VWDE: variants seen among roughly 807,000 people sequenced by gnomAD.
The protein encoded by VWDE is von Willebrand factor D and EGF domains.
In VWDE, 207 loss-of-function variants were observed where a neutral mutation model predicts 178.4. That is an observed-to-expected ratio of 1.16 (90% CI 1.04 to 1.30). VWDE has a LOEUF of 1.30. Ranked by LOEUF, VWDE falls within the 50% of genes most tolerant of loss-of-function variation. The pLI is 0.00. For missense variants in VWDE, 2,287 were observed against 1,901.3 expected, an observed-to-expected ratio of 1.20 and a Z score of -3.77; for synonymous variants, 738 against 651.4, an observed-to-expected ratio of 1.13 and a Z score of -2.02.
At chr7:12,374,938 T>A (rs1053549336) in intron 8 of VWDE, 72 bp downstream of exon 8, 1 of 1,418,264 alleles carries the variant, frequency 7.1e-7, no homozygotes, top group Non-Finnish European at 9.5e-7. Context: ...AAAAAGTTTA[T>A]AAGACATAAT....
At chr7:12,393,295 G>A (rs1421862341) in intron 2 of VWDE, among the ~76,000 whole-genome samples, 1 of 152,100 alleles carries the variant, frequency 6.6e-6, no homozygotes, top group Non-Finnish European at 1.5e-5. Context: ...AGAGCACTAT[G>A]CCTAAGAATA....
At chr7:12,355,268 T>C (rs572786508) in intron 18 of VWDE, among the ~76,000 whole-genome samples, 1 of 152,066 alleles carries the variant, frequency 6.6e-6, no homozygotes, top group South Asian at 2.1e-4. Context: ...TACAAAAAAA[T>C]TAGCCGGGCT....
intron 24 of VWDE, among the ~76,000 whole-genome samples, chr7:12,339,657 T>C (rs1175147336): frequency 6.6e-6 from 1 of 152,114 alleles, no homozygotes; most frequent in East Asian, 1.9e-4. Context: ...ATGGAAATAC[T>C]CTGACATGTT....
chr7:12,342,470 T>C (rs1284176657), intron 22 of VWDE, among the ~76,000 whole-genome samples: 1 of 152,066 alleles, frequency 6.6e-6, no homozygotes, highest in Non-Finnish European at 1.5e-5. Flanking sequence ...AAGAAATTTA[T>C]ATGCAATTTA....
intron 2 of VWDE, among the ~76,000 whole-genome samples, chr7:12,390,304 C>A (rs1324284909): frequency 1.3e-5 from 2 of 151,866 alleles, no homozygotes; most frequent in Non-Finnish European, 2.9e-5. Flanking sequence ...TTGGGAAGAA[C>A]CAGGGCCCTT....
chr7:12,348,410 T>G (rs10441011), intron 19 of VWDE, among the ~76,000 whole-genome samples: 83,000 of 131,000 alleles, frequency 0.63, 28,055 homozygotes, highest in African/African-American at 0.88. Context: ...CAAAAAGTGG[T>G]TGAAGGACAT....
intron 27 of VWDE, among the ~76,000 whole-genome samples, chr7:12,335,348 C>T (rs1221932127): frequency 6.6e-6 from 1 of 152,000 alleles, no homozygotes; most frequent in African/African-American, 2.4e-5. Flanking sequence ...AAGATTTCAT[C>T]TATGTAGAAA....
chr7:12,362,706 G>A (rs1429934114), intron 13 of VWDE, among the ~76,000 whole-genome samples: 1 of 152,090 alleles, frequency 6.6e-6, no homozygotes, highest in Non-Finnish European at 1.5e-5. Context: ...AGGAAAACAT[G>A]ATCACCCTAA....
In VWDE at chr7:12,357,388, A is replaced by C. The variant is rs1231815855; in HGVS notation, c.3402T>G (p.Gly1134=). Residue 1134 remains glycine, a synonymous_variant, in exon 17 of 29, where the codon GGT becomes GGG. Transcript: ENST00000275358. The stretch of plus-strand genomic sequence containing the variant: ...CAGAGGAAACACTTGCCCCTTCAGG[A>C]CCAGAGTCCAACGTAAAATGGATGT... ...GSDIHFTLDS[G]PEGASVSSAG... 1 of 1,551,972 alleles carries C rather than the reference A, an allele frequency of 6.4e-7. No individual in the cohort carries two copies. Among genetic ancestry groups the C allele is most frequent in the Admixed American group, 2.0e-5 (1 of 51,008 alleles).
intron 13 of VWDE, among the ~76,000 whole-genome samples, chr7:12,365,244 G>A (rs1456814699): frequency 6.6e-6 from 1 of 151,794 alleles, no homozygotes; most frequent in Non-Finnish European, 1.5e-5. Context: ...TACAGAACAA[G>A]GTCTGTAAAT....
intron 26 of VWDE, 77 bp downstream of exon 26, chr7:12,336,911 A>G (rs1771423511): frequency 7.4e-7 from 1 of 1,356,566 alleles, no homozygotes; most frequent in East Asian, 2.5e-5. Context: ...AAAGTGAAAA[A>G]AATGCTCTGT....
In VWDE at chr7:12,343,130, T is replaced by C. The variant is rs761999599; in HGVS notation, c.4127A>G (p.Asn1376Ser). Residue 1376 changes from asparagine (N) to serine (S), a missense_variant, in exon 22 of 29, where the codon AAT (asparagine) becomes AGT (serine). By Grantham distance (46) the Asn-to-Ser change is conservative. Coordinates refer to ENST00000275358, the MANE Select transcript of VWDE (RefSeq NM_001135924.3). ...CQHGGTCLAG[N>S]LCTCPYGFVG... is the part of the protein sequence containing the mutation. ...AAAACCATAAGGACAAGTGCAGAGA[T>C]TCCCAGCCAAGCATGTGCCACCATG... The C allele has an allele frequency of 9.7e-6, 15 of 1,549,704 alleles. No individual in the cohort carries two copies. Among genetic ancestry groups the C allele is most frequent in the African/African-American group, 2.7e-5 (2 of 72,946 alleles).
At chr7:12,335,017 T>C (rs1421312744) in intron 27 of VWDE, among the ~76,000 whole-genome samples, 1 of 152,168 alleles carries the variant, frequency 6.6e-6, no homozygotes, top group African/African-American at 2.4e-5. Context: ...CAATTACTAA[T>C]AAATTAGGGT....
In VWDE at chr7:12,338,835, G is replaced by A. The variant is rs985136836; in HGVS notation, c.4366+1487C>T. 2.6e-5 allele frequency among the ~76,000 whole-genome samples: 4 copies of A among 151,848 alleles called. 1 individual carries two copies. Among genetic ancestry groups the A allele is most frequent in the African/African-American group, 9.7e-5 (4 of 41,184 alleles). ...ATCCTAAGCCTTGCTTACTAGTTTA[G>A]TAGTTTAACTTTTTTGTGATGTTTC... On this transcript the variant is annotated intron_variant, in intron 24 of 28. Transcript: ENST00000275358.
chr7:12,374,749 T>G lies in VWDE; in HGVS notation c.1256A>C (p.Asp419Ala). Residue 419 changes from aspartate (D) to alanine (A), a missense_variant, in exon 9 of 29, where the codon GAT (aspartate) becomes GCT (alanine). Transcript: ENST00000275358. The part of the protein sequence containing the change: ...IPDSIQIKVK[D>A]VPTAYCYTFT... ...TGTATAGCAGTAAGCAGTTGGGACA[T>G]CCTTTACTTTGATCTTAAAAGCAAA... 1 of 1,535,696 alleles carries G rather than the reference T, an allele frequency of 6.5e-7. No homozygotes were observed. Among genetic ancestry groups the G allele is most frequent in the Non-Finnish European group, 8.8e-7 (1 of 1,140,212 alleles).
At chr7:12,334,347 T>C (rs1380502697) in intron 27 of VWDE, among the ~76,000 whole-genome samples, 4 of 152,196 alleles carry the variant, frequency 2.6e-5, no homozygotes, top group South Asian at 2.1e-4. Flanking sequence ...CACAAAATTA[T>C]ATATAATAGT....
At chr7:12,401,532 G>A (rs896060049) in intron 1 of VWDE, among the ~76,000 whole-genome samples, 2 of 151,886 alleles carry the variant, frequency 1.3e-5, no homozygotes, top group Non-Finnish European at 2.9e-5. Context: ...TTCTCATAAG[G>A]GCATTAAAAT....
At chr7:12,359,053 G>A (rs1456290035) in intron 16 of VWDE, among the ~76,000 whole-genome samples, 1 of 152,196 alleles carries the variant, frequency 6.6e-6, no homozygotes, top group East Asian at 1.9e-4. Context: ...CTCCCTGTGA[G>A]GGAAGAGAAT....
intron 2 of VWDE, among the ~76,000 whole-genome samples, chr7:12,393,291 C>A (rs1252340959): frequency 6.6e-6 from 1 of 152,138 alleles, no homozygotes; most frequent in African/African-American, 2.4e-5. Flanking sequence ...TGTAAGAGCA[C>A]TATGCCTAAG....
Sources: gnomAD v4.1 joint callset for allele counts (sites outside exome capture counted in the v4.1 genomes callset) on GRCh38, gnomAD v4.1.1 for gene constraint, MANE v1.5 for transcripts, NCBI Gene and HGNC (gene_info 2026-07-23, HGNC 2026-07-21) for gene names.